THSD7B: variants seen among roughly 807,000 people sequenced by gnomAD.
THSD7B encodes the protein thrombospondin type-1 domain-containing protein 7B.
In THSD7B, 138 loss-of-function variants were observed where a neutral mutation model predicts 213.6. That is an observed-to-expected ratio of 0.65 (90% CI 0.56 to 0.74). THSD7B has a LOEUF of 0.74. Ranked by LOEUF, THSD7B falls within the 30% of genes least tolerant of loss-of-function variation. The probability of loss-of-function intolerance (pLI) is 0.00; values close to 1 mark genes in which losing one functional copy is unlikely to be tolerated. For missense variants in THSD7B, 1,931 were observed against 1,991.5 expected (o/e 0.97, Z 0.58); for synonymous variants, 742 against 687.0 (o/e 1.08, Z -1.25).
intron 2 of THSD7B, among the ~76,000 whole-genome samples, chr2:137,054,318 G>A (rs1687120849): frequency 6.6e-6 from 1 of 152,226 alleles, no homozygotes; most frequent in South Asian, 2.1e-4. Context: ...GAAGTCTCTA[G>A]TATGTTTTCT....
intron 12 of THSD7B, among the ~76,000 whole-genome samples, chr2:137,358,210 C>G (rs1184736829): frequency 6.6e-6 from 1 of 152,158 alleles, no homozygotes; most frequent in Non-Finnish European, 1.5e-5. Flanking sequence ...GTCTACAAAC[C>G]ATTCTAAGAT....
intron 2 of THSD7B, among the ~76,000 whole-genome samples, chr2:136,975,650 G>T (rs541326852): frequency 6.6e-6 from 1 of 152,144 alleles, no homozygotes; most frequent in Non-Finnish European, 1.5e-5. Flanking sequence ...TTTTTCTTAA[G>T]GTTGTCTTGG....
chr2:136,798,944 C>G (rs545903065), intron 1 of THSD7B, among the ~76,000 whole-genome samples: 18 of 152,032 alleles, frequency 1.2e-4, no homozygotes, highest in African/African-American at 4.1e-4. Flanking sequence ...CCCAGAGATT[C>G]CCTTGCCAAT....
intron 12 of THSD7B, among the ~76,000 whole-genome samples, chr2:137,295,069 A>C (rs1296545700): frequency 1.3e-5 from 2 of 151,906 alleles, no homozygotes; most frequent in Non-Finnish European, 1.5e-5. Context: ...CTCCCCCTGT[A>C]TCTCTGCTGA....
At chr2:137,313,905 C>G (rs866365492) in intron 12 of THSD7B, among the ~76,000 whole-genome samples, 43 of 152,178 alleles carry the variant, frequency 2.8e-4, no homozygotes, top group South Asian at 4.2e-4. Flanking sequence ...TCCCTTTGAG[C>G]GTAACCCGAC....
At chr2:137,448,749 A>G (rs969835610) in intron 14 of THSD7B, among the ~76,000 whole-genome samples, 1 of 152,018 alleles carries the variant, frequency 6.6e-6, no homozygotes, top group African/African-American at 2.4e-5. Context: ...CAGTGAGCCG[A>G]GATTGCGCCA....
chr2:137,522,666 CATT>C (rs1405732479), intron 15 of THSD7B, among the ~76,000 whole-genome samples: 1 of 152,098 alleles, frequency 6.6e-6, no homozygotes, highest in Non-Finnish European at 1.5e-5. Flanking sequence ...ATTTTATTGA[CATT>C]GTCATAAATC....
intron 12 of THSD7B, among the ~76,000 whole-genome samples, chr2:137,347,361 G>C (rs1219418893): frequency 6.6e-6 from 1 of 151,612 alleles, no homozygotes; most frequent in African/African-American, 2.4e-5. Flanking sequence ...TGAGAAGTCA[G>C]TAGTGTTCCA....
chr2:137,065,165 A>AT (rs1687352819), intron 3 of THSD7B, among the ~76,000 whole-genome samples: 1 of 151,806 alleles, frequency 6.6e-6, no homozygotes, highest in African/African-American at 2.4e-5. Context: ...TTATTTTTCC[A>AT]TTTTTTGTGC....
At chr2:137,454,713 A>G (rs1441919510) in intron 15 of THSD7B, among the ~76,000 whole-genome samples, 1 of 152,048 alleles carries the variant, frequency 6.6e-6, no homozygotes, top group Non-Finnish European at 1.5e-5. Context: ...GGAGGCCACT[A>G]TTTGTTTCTC....
intron 10 of THSD7B, among the ~76,000 whole-genome samples, chr2:137,256,572 A>G (rs758913913): frequency 5.3e-5 from 8 of 152,216 alleles, no homozygotes; most frequent in Non-Finnish European, 1.0e-4. Context: ...GGGGAATGAT[A>G]AGAAATAAAG....
chr2:137,237,784 A>G (rs1371627724), intron 9 of THSD7B, among the ~76,000 whole-genome samples: 1 of 152,236 alleles, frequency 6.6e-6, no homozygotes, highest in Non-Finnish European at 1.5e-5. Context: ...AAGGATAGAC[A>G]ATGTGTAGAT....
intron 1 of THSD7B, among the ~76,000 whole-genome samples, chr2:136,837,765 CT>C (rs1230655204): frequency 6.6e-6 from 1 of 152,110 alleles, no homozygotes; most frequent in Non-Finnish European, 1.5e-5. Flanking sequence ...CCTTGATATC[CT>C]TACCCATCCT....
chr2:137,552,675 C>T (rs1342171886), intron 15 of THSD7B, among the ~76,000 whole-genome samples: 1 of 152,136 alleles, frequency 6.6e-6, no homozygotes, highest in African/African-American at 2.4e-5. Flanking sequence ...CTTAGCATTG[C>T]ATGCATTACA....
intron 2 of THSD7B, among the ~76,000 whole-genome samples, chr2:137,008,383 G>A (rs1686156504): frequency 6.6e-6 from 1 of 151,954 alleles, no homozygotes. Flanking sequence ...TTAACTAAAG[G>A]GGAACTATAA....
intron 1 of THSD7B, among the ~76,000 whole-genome samples, chr2:136,804,820 T>C (rs750906752): frequency 6.6e-6 from 1 of 152,192 alleles, no homozygotes; most frequent in Non-Finnish European, 1.5e-5. Flanking sequence ...GTCATGCTGC[T>C]GCCAGAGAGT....
intron 2 of THSD7B, among the ~76,000 whole-genome samples, chr2:136,943,806 A>G (rs1331757470): frequency 6.6e-6 from 1 of 151,724 alleles, no homozygotes; most frequent in Non-Finnish European, 1.5e-5. Context: ...CGGTCTGTCA[A>G]TTTCATTGAT....
At chr2:137,204,034 C>T (rs1327287059) in intron 7 of THSD7B, among the ~76,000 whole-genome samples, 4 of 151,960 alleles carry the variant, frequency 2.6e-5, no homozygotes, top group Non-Finnish European at 1.5e-5. Context: ...TTTACAGCTG[C>T]TAGGAAATCA....
chr2:137,604,752 C>T (rs1250659745), intron 17 of THSD7B, among the ~76,000 whole-genome samples: 1 of 152,080 alleles, frequency 6.6e-6, no homozygotes, highest in East Asian at 1.9e-4. Context: ...CTTTCCAAGT[C>T]TTTTCTAATA....
Sources: allele counts gnomAD v4.1 joint callset (sites outside exome capture counted in the v4.1 genomes callset), GRCh38; gene constraint gnomAD v4.1.1; transcripts MANE v1.5; gene names NCBI Gene and HGNC (gene_info 2026-07-23, HGNC 2026-07-21).